The following SLC1A1 variants were observed in gnomAD, a reference collection of about 807,000 sequenced individuals.
SLC1A1 encodes the protein excitatory amino acid transporter 3.
Under a neutral mutation model 53.3 loss-of-function variants are expected in SLC1A1, and 43 were observed. The observed-to-expected ratio is 0.81, with a 90% CI of 0.63 to 1.04. The LOEUF (loss-of-function observed/expected upper bound fraction) is 1.04. Among genes scored for constraint, SLC1A1 ranks in the 50% least tolerant of loss-of-function variants. The pLI, the probability that SLC1A1 is intolerant of heterozygous loss-of-function variation, is 0.00. For missense variants in SLC1A1, 748 were observed against 664.9 expected (o/e 1.12, Z -1.37); for synonymous variants, 307 against 243.2 (o/e 1.26, Z -2.44).
chr9:4,559,714 C>T (rs1438715986), intron 2 of SLC1A1: 2 of 152,278 alleles, frequency 1.3e-5, no homozygotes, highest in East Asian at 3.9e-4. Context: ...TATGGGACAA[C>T]TCATGCGTGT....
chr9:4,544,147 G>A (rs1475695271), intron 1 of SLC1A1, among the ~76,000 whole-genome samples: 1 of 152,150 alleles, frequency 6.6e-6, no homozygotes, highest in East Asian at 1.9e-4. Context: ...CTGTACTCTA[G>A]GCTGGGTGAC....
At chr9:4,535,111 G>A (rs1280626723) in intron 1 of SLC1A1, among the ~76,000 whole-genome samples, 5 of 152,060 alleles carry the variant, frequency 3.3e-5, no homozygotes, top group Non-Finnish European at 7.4e-5. Flanking sequence ...ATACTGAATG[G>A]GCAAAAATTG....
At chr9:4,562,766 A>G (rs1416544302) in intron 3 of SLC1A1, among the ~76,000 whole-genome samples, 2 of 152,084 alleles carry the variant, frequency 1.3e-5, no homozygotes, top group African/African-American at 4.8e-5. Context: ...TTATGGCTGC[A>G]TAGTATTCCA....
intron 1 of SLC1A1, among the ~76,000 whole-genome samples, chr9:4,532,639 G>A (rs1036671859): frequency 3.3e-5 from 5 of 152,186 alleles, no homozygotes; most frequent in Non-Finnish European, 7.3e-5. Context: ...AAAACACTCT[G>A]CAGAATATTA....
chr9:4,580,072 A>G (rs1311281442), intron 10 of SLC1A1, among the ~76,000 whole-genome samples: 1 of 152,024 alleles, frequency 6.6e-6, no homozygotes, highest in Non-Finnish European at 1.5e-5. Flanking sequence ...AATATTCTAA[A>G]AAAGAAAAAT....
At position 4,572,516 on chromosome 9, in the gene SLC1A1, C is replaced by T. The variant is rs1035388242; in HGVS notation, c.767+128C>T. 9 of 866,642 alleles carry T rather than the reference C, an allele frequency of 1.0e-5. No homozygotes were observed. The African/African-American group carries it at 1.3e-4, about 13-fold the overall frequency. The allele number at this position is 866,642 out of a possible 1,614,324, so 53.7% of individuals were successfully genotyped here. On this transcript the variant is annotated intron_variant, in intron 7 of 11. Coordinates refer to ENST00000262352, the MANE Select transcript of SLC1A1 (RefSeq NM_004170.6). Reference sequence around the variant, plus strand: ...AAGTTGGACATTTAATATTGAACCACCAGAGTATTTTGTGGGGGCTTTTGT... The same window carrying T: ...AAGTTGGACATTTAATATTGAACCATCAGAGTATTTTGTGGGGGCTTTTGT...
Position 4,572,403 on chromosome 9 carries a change from T to C in SLC1A1, c.767+15T>C. ...ATCATCATGTGGTGAGCAGACACTG[T>C]TTAATGTCATTTTGCTTCCCCTGAC... On this transcript the variant is annotated intron_variant, in intron 7 of 11. Transcript: ENST00000262352. 1 of 1,608,144 alleles carries C rather than the reference T, an allele frequency of 6.2e-7. No homozygotes were observed. The highest frequency in any genetic ancestry group is 8.5e-7 in the Non-Finnish European group (1 of 1,174,566).
chr9:4,490,854 C>A, intron 1 of SLC1A1, 84 bp downstream of exon 1: 2 of 1,152,288 alleles, frequency 1.7e-6, no homozygotes, highest in Admixed American at 3.9e-5. Context: ...GTGGGCTTGG[C>A]GCTGGCGCAC....
intron 1 of SLC1A1, among the ~76,000 whole-genome samples, chr9:4,491,031 G>C (rs1170819925): frequency 6.6e-6 from 1 of 152,202 alleles, no homozygotes; most frequent in East Asian, 1.9e-4. Flanking sequence ...ATGATCAAAG[G>C]GGCTTGGGGG....
At chr9:4,555,179 C>T (rs1163168524) in intron 2 of SLC1A1, among the ~76,000 whole-genome samples, 1 of 152,210 alleles carries the variant, frequency 6.6e-6, no homozygotes, top group African/African-American at 2.4e-5. Flanking sequence ...GCCTCTCTGC[C>T]GGTGACAGAG....
chr9:4,563,440 C>T (rs1819176448), intron 3 of SLC1A1, among the ~76,000 whole-genome samples: 2 of 152,186 alleles, frequency 1.3e-5, no homozygotes, highest in Admixed American at 6.5e-5. Context: ...TTCTACAACC[C>T]TGAGAGAGGA....
intron 10 of SLC1A1, among the ~76,000 whole-genome samples, chr9:4,578,470 A>C (rs1257907845): frequency 6.6e-6 from 1 of 152,196 alleles, no homozygotes; most frequent in East Asian, 1.9e-4. Flanking sequence ...GAGATTAAGG[A>C]CTGAGGCTTG....
intron 1 of SLC1A1, among the ~76,000 whole-genome samples, chr9:4,530,412 C>G (rs75592175): frequency 0.024 from 3,675 of 152,274 alleles, 155 homozygotes; most frequent in African/African-American, 0.085. Flanking sequence ...AAGATCCAAG[C>G]GTCCTGGGAG....
intron 10 of SLC1A1, among the ~76,000 whole-genome samples, chr9:4,580,601 A>ATGTGTGTGTGTGTGTGTG (rs71326118): frequency 2.9e-4 from 20 of 69,696 alleles, no homozygotes; most frequent in African/African-American, 6.1e-4. Context: ...AAAAATATAT[A>ATGTGTGTGTGTGTGTGTG]TGTGTGTGTG....
At chr9:4,585,008 C>T (rs544231971) in intron 11 of SLC1A1, among the ~76,000 whole-genome samples, 1 of 152,262 alleles carries the variant, frequency 6.6e-6, no homozygotes, top group Non-Finnish European at 1.5e-5. Flanking sequence ...GAAAAACTTA[C>T]TGAATTCTGA....
rs1312947304 is a variant in SLC1A1 at position 4,574,009 on chromosome 9, G to A, written c.870G>A (p.Leu290=). 5 of 1,599,020 alleles carry A rather than the reference G, an allele frequency of 3.1e-6. No homozygotes were observed. Among genetic ancestry groups the A allele is most frequent in the African/African-American group, 1.3e-5 (1 of 74,642 alleles). The change falls in exon 8 of 12, where the codon CTG becomes CTA. Residue 290 remains leucine, a synonymous_variant. Transcript: ENST00000262352. ...RKLGLYMATV[L]TGLAIHSIVI... is the part of the protein sequence containing the mutation. ...TGGGCCTTTACATGGCCACAGTCCTGACTGGGTATGTCAGACTCAAGAGAA... is the reference window on the plus strand; with the variant it reads ...TGGGCCTTTACATGGCCACAGTCCTAACTGGGTATGTCAGACTCAAGAGAA...
intron 1 of SLC1A1, among the ~76,000 whole-genome samples, chr9:4,539,974 C>G (rs1448573002): frequency 1.3e-5 from 2 of 152,238 alleles, no homozygotes; most frequent in Non-Finnish European, 2.9e-5. Flanking sequence ...GGGCCTCACT[C>G]TGAAGCCTGG....
At chr9:4,491,656 C>T (rs1157871299) in intron 1 of SLC1A1, among the ~76,000 whole-genome samples, 1 of 152,160 alleles carries the variant, frequency 6.6e-6, no homozygotes, top group African/African-American at 2.4e-5. Flanking sequence ...TTTCTAGCTC[C>T]GGCCCGGGGA....
chr9:4,550,531 C>T (rs1475759395), intron 2 of SLC1A1, among the ~76,000 whole-genome samples: 13 of 152,088 alleles, frequency 8.5e-5, no homozygotes, highest in Admixed American at 2.0e-4. Context: ...GCTGGGACTA[C>T]GGGTGGCCCA....
Sources: gnomAD v4.1 joint callset for allele counts (sites outside exome capture counted in the v4.1 genomes callset) on GRCh38, gnomAD v4.1.1 for gene constraint, MANE v1.5 for transcripts, NCBI Gene and HGNC (gene_info 2026-07-23, HGNC 2026-07-21) for gene names.